TRERF1: variants seen among roughly 807,000 people sequenced by gnomAD.
The protein encoded by TRERF1 is transcriptional regulating factor 1, also known as transcriptional-regulating factor 1.
TRERF1 carries 27 observed loss-of-function variants against 122.9 expected under a neutral mutation model. That is an observed-to-expected ratio of 0.22 (90% CI 0.16 to 0.30). TRERF1 has a LOEUF of 0.30. Ranked by LOEUF, TRERF1 falls within the 10% of genes least tolerant of loss-of-function variation. The pLI is 1.00. For missense variants in TRERF1, 1,248 were observed against 1,560.3 expected, an observed-to-expected ratio of 0.80 and a Z score of 3.37; for synonymous variants, 636 against 641.7, an observed-to-expected ratio of 0.99 and a Z score of 0.13.
chr6:42,378,297 G>A (rs377316180), intron 2 of TRERF1, among the ~76,000 whole-genome samples: 2 of 151,358 alleles, frequency 1.3e-5, no homozygotes, highest in African/African-American at 4.9e-5. Context: ...AAGTCGAGGC[G>A]ATACAGGCTC....
chr6:42,334,718 C>T (rs1019729862), intron 3 of TRERF1, among the ~76,000 whole-genome samples: 1 of 152,186 alleles, frequency 6.6e-6, no homozygotes, highest in Admixed American at 6.5e-5. Flanking sequence ...AAGGCTCCAC[C>T]CAGGCAAGGG....
chr6:42,422,077 A>G (rs1212093620), intron 2 of TRERF1, among the ~76,000 whole-genome samples: 1 of 151,950 alleles, frequency 6.6e-6, no homozygotes, highest in Admixed American at 6.6e-5. Flanking sequence ...AGGCTGAGGC[A>G]GGAAGAATCG....
intron 4 of TRERF1, among the ~76,000 whole-genome samples, chr6:42,282,608 A>C (rs888232702): frequency 1.3e-5 from 2 of 152,336 alleles, no homozygotes; most frequent in African/African-American, 2.4e-5. Flanking sequence ...AACAACAATG[A>C]AACTCTCTAT....
At chr6:42,377,484 G>T (rs1775116315) in intron 2 of TRERF1, among the ~76,000 whole-genome samples, 1 of 152,196 alleles carries the variant, frequency 6.6e-6, no homozygotes, top group African/African-American at 2.4e-5. Context: ...CCATGTTGTA[G>T]CATGTATCAG....
At chr6:42,290,399 C>T (rs1202431229) in intron 4 of TRERF1, among the ~76,000 whole-genome samples, 1 of 152,194 alleles carries the variant, frequency 6.6e-6, no homozygotes, top group Non-Finnish European at 1.5e-5. Flanking sequence ...TCCTCTTGCC[C>T]TAGTCAGCTG....
intron 2 of TRERF1, among the ~76,000 whole-genome samples, chr6:42,404,619 C>A (rs1397175): frequency 0.15 from 22,355 of 152,016 alleles, 1,913 homozygotes; most frequent in African/African-American, 0.24. Context: ...GGCCTTAACC[C>A]TGTCAGGAGC....
In TRERF1 at chr6:42,287,292, TA is replaced by T. The variant is rs1187993828; in HGVS notation, c.-259+13345del. Among the ~76,000 whole-genome samples the T allele has an allele frequency of 7.7e-3, 955 of 124,206 alleles. 5 individuals carry two copies. Among genetic ancestry groups the T allele is most frequent in the African/African-American group, 0.019 (646 of 33,898 alleles). 81.5% of individuals were successfully genotyped at this position (124,206 alleles called of 152,430 possible). A position where few individuals can be genotyped will look rare whatever the true frequency, so the allele number is the denominator to read the frequency against. ...ATGTACCCTAAAACTTAAAGTATAA[TA>T]AAAAAAAAAAAAAGAAAAGGATGGG... On this transcript the variant is annotated intron_variant, in intron 4 of 17. Transcript: ENST00000372922.
At chr6:42,428,564 A>T (rs1783992913) in intron 2 of TRERF1, among the ~76,000 whole-genome samples, 1 of 152,224 alleles carries the variant, frequency 6.6e-6, no homozygotes, top group South Asian at 2.1e-4. Context: ...CTTACATCAC[A>T]GCACACTGAC....
chr6:42,436,808 A>ATAT (rs1263996791), intron 2 of TRERF1, among the ~76,000 whole-genome samples: 71 of 103,212 alleles, frequency 6.9e-4, no homozygotes, highest in Non-Finnish European at 9.8e-4. Context: ...TACAAAAAAA[A>ATAT]AAAAAAATAT....
At chr6:42,342,149 A>T (rs1403150338) in intron 3 of TRERF1, among the ~76,000 whole-genome samples, 2 of 152,232 alleles carry the variant, frequency 1.3e-5, no homozygotes, top group Non-Finnish European at 2.9e-5. Context: ...GGAGGTAAAG[A>T]TTCCCACTGT....
rs1249288832 is a variant in TRERF1 at position 42,232,819 on chromosome 6, C to T, written c.3140G>A (p.Arg1047Gln). The change falls in exon 17 of 18, where the codon CGA becomes CAA. Residue 1047 changes from arginine (R) to glutamine (Q), a missense_variant. Arg to Gln is a conservative substitution (Grantham distance 43). This residue lies in a region of TRERF1 where 159 missense variants were observed against 221.7 expected (regional missense o/e 0.72). Coordinates refer to ENST00000372922, the Ensembl canonical transcript of TRERF1. The surrounding 1 kb of genome is among the most constrained non-coding windows in gnomAD (Gnocchi z 4.5). ...CTGCTTCCCAGAGGGGATGGCACCT[C>T]GGGCCTTGGTCACCTGGTTGGTGCC... 1.6e-5 allele frequency: 26 copies of T among 1,612,520 alleles called. No homozygotes were observed. The highest frequency in any genetic ancestry group is 3.3e-5 in the South Asian group (3 of 90,684).
intron 2 of TRERF1, among the ~76,000 whole-genome samples, chr6:42,446,365 C>G (rs1378472613): frequency 6.6e-6 from 1 of 152,232 alleles, no homozygotes; most frequent in African/African-American, 2.4e-5. Flanking sequence ...AACCAAAGTC[C>G]TTCTGCACAG....
chr6:42,437,726 A>G (rs753717755), intron 2 of TRERF1, among the ~76,000 whole-genome samples: 4 of 152,090 alleles, frequency 2.6e-5, no homozygotes, highest in Non-Finnish European at 4.4e-5. Context: ...CGGAGTCTGA[A>G]TCCCTGCCCT....
intron 2 of TRERF1, among the ~76,000 whole-genome samples, chr6:42,430,925 G>A (rs1358896837): frequency 2.0e-5 from 3 of 148,792 alleles, no homozygotes; most frequent in Non-Finnish European, 4.4e-5. Flanking sequence ...GCCGGGTGTT[G>A]TGGCAGGCAA....
At chr6:42,262,170 C>A (rs143705007) in intron 8 of TRERF1, among the ~76,000 whole-genome samples, 1 of 152,108 alleles carries the variant, frequency 6.6e-6, no homozygotes, top group South Asian at 2.1e-4. Context: ...CAAGTCCTGA[C>A]GGCTTATGAG....
chr6:42,338,685 G>A (rs928602376), intron 3 of TRERF1, among the ~76,000 whole-genome samples: 2 of 151,952 alleles, frequency 1.3e-5, no homozygotes, highest in East Asian at 1.9e-4. Flanking sequence ...GATTTATGAC[G>A]GCTCTCCCTG....
chr6:42,268,726 G>C lies in TRERF1; in HGVS notation c.865C>G (p.Gln289Glu). Residue 289 changes from glutamine (Q) to glutamate (E), a missense_variant, in exon 5 of 18, where the codon CAG becomes GAG. Physicochemically the swap from Gln to Glu is conservative, Grantham distance 29. This residue lies in a region of TRERF1 where 946 missense variants were observed against 1,073.0 expected (regional missense o/e 0.88). Transcript: ENST00000372922. The surrounding 1 kb of genome is among the most constrained non-coding windows in gnomAD (Gnocchi z 4.4). The stretch of plus-strand genomic sequence containing the variant: ...GGGCGAATTTGTTGCGGCTGCGTCT[G>C]TATTTCTTGCATGGAGATACGCTGT... 1 of 1,614,210 alleles carries C rather than the reference G, an allele frequency of 6.2e-7. No homozygotes were observed. The highest frequency in any genetic ancestry group is 8.5e-7 in the Non-Finnish European group (1 of 1,180,038).
intron 3 of TRERF1, among the ~76,000 whole-genome samples, chr6:42,333,744 C>T (rs150578989): frequency 2.6e-5 from 4 of 152,300 alleles, no homozygotes; most frequent in Admixed American, 2.0e-4. Context: ...ACAGGAGCCT[C>T]CGAGGGCCAC....
At chr6:42,253,383 T>C (rs1180544855) in intron 13 of TRERF1, among the ~76,000 whole-genome samples, 1 of 152,240 alleles carries the variant, frequency 6.6e-6, no homozygotes, top group East Asian at 1.9e-4. Flanking sequence ...CCCACCATCA[T>C]GCAAAGAAGC....
Sources: allele counts gnomAD v4.1 joint callset (sites outside exome capture counted in the v4.1 genomes callset), GRCh38; gene constraint gnomAD v4.1.1; regional missense constraint gnomAD v4.1.1; non-coding constraint Gnocchi (gnomAD v3.1); transcripts MANE v1.5; gene names NCBI Gene and HGNC (gene_info 2026-07-23, HGNC 2026-07-21).